The following COQ8A variants were observed in gnomAD, a reference collection of about 807,000 sequenced individuals.
COQ8A encodes atypical kinase COQ8A, mitochondrial.
Under a neutral mutation model 65.0 loss-of-function variants are expected in COQ8A, and 51 were observed. The observed-to-expected ratio is 0.78, with a 90% CI of 0.63 to 0.99. The LOEUF (loss-of-function observed/expected upper bound fraction) is 0.99. COQ8A is among the 50% of genes least tolerant of loss of function. The pLI is 0.00. For missense variants in COQ8A, 940 were observed against 875.0 expected, an observed-to-expected ratio of 1.07 and a Z score of -0.94; for synonymous variants, 371 against 353.2, an observed-to-expected ratio of 1.05 and a Z score of -0.57.
chr1:226,956,753 G>C (rs1252506067), intron 1 of COQ8A, among the ~76,000 whole-genome samples: 23 of 66,652 alleles, frequency 3.5e-4, no homozygotes, highest in Admixed American at 8.7e-4. Flanking sequence ...CTCCCTGGCT[G>C]CCACTCCCTG....
At chr1:226,985,594 G>A (rs1300275420) in intron 14 of COQ8A, among the ~76,000 whole-genome samples, 2 of 152,192 alleles carry the variant, frequency 1.3e-5, no homozygotes, top group African/African-American at 4.8e-5. Flanking sequence ...TGCCCACTTA[G>A]GGCTTGGGGT....
chr1:226,986,522 G>A lies in COQ8A; in HGVS notation c.1729G>A (p.Asp577Asn). 2 of 1,608,298 alleles carry A rather than the reference G, an allele frequency of 1.2e-6. No individual in the cohort carries two copies. Among genetic ancestry groups the A allele is most frequent in the Non-Finnish European group, 1.7e-6 (2 of 1,178,052 alleles). The change falls in exon 15 of 15, where the codon GAT becomes AAT. Residue 577 changes from aspartate to asparagine, a missense_variant. Coordinates refer to ENST00000366777, the MANE Select transcript of COQ8A (RefSeq NM_020247.5). The stretch of plus-strand genomic sequence containing the variant: ...GGCCTTCGCCTCTGATGAGCCTTTT[G>A]ATTTTGGCACTCAGAGCACCACCGA... ...GEAFASDEPF[D>N]FGTQSTTEKI... is the part of the protein sequence containing the mutation.
chr1:226,977,699 G>A (rs1301186856), intron 5 of COQ8A, among the ~76,000 whole-genome samples, 176 bp downstream of exon 5: 1 of 152,112 alleles, frequency 6.6e-6, no homozygotes, highest in African/African-American at 2.4e-5. Context: ...AGATTGACCT[G>A]CTTTAGAGGG....
In COQ8A at chr1:226,982,705, C is replaced by G; in HGVS notation, c.881C>G (p.Ala294Gly). The change falls in exon 7 of 15, where the codon GCT (alanine) becomes GGT (glycine). Residue 294 changes from alanine (A) to glycine (G), a missense_variant. Physicochemically the swap from Ala to Gly is moderately conservative, Grantham distance 60. Transcript: ENST00000366777. The stretch of plus-strand genomic sequence containing the variant: ...GATGCCTTTATCAACCCCCACCTGG[C>G]TAAGATCTTCGAGCGGGTGCGGCAG... Reference protein sequence around the residue: ...QDDAFINPHLAKIFERVRQSA... With the variant: ...QDDAFINPHLGKIFERVRQSA... 6.2e-7 allele frequency: 1 copy of G among 1,613,686 alleles called. No individual in the cohort carries two copies. Among genetic ancestry groups the G allele is most frequent in the African/African-American group, 1.3e-5 (1 of 75,056 alleles).
intron 5 of COQ8A, among the ~76,000 whole-genome samples, chr1:226,977,793 T>C (rs1659333073): frequency 6.6e-6 from 1 of 151,670 alleles, no homozygotes; most frequent in African/African-American, 2.4e-5. Flanking sequence ...TCCACACGCC[T>C]TCTGCACACC....
At chr1:226,986,151 C>CT (rs1324452092) in intron 14 of COQ8A, among the ~76,000 whole-genome samples, 5 of 152,160 alleles carry the variant, frequency 3.3e-5, no homozygotes, top group African/African-American at 9.7e-5. Flanking sequence ...CCCACGGACT[C>CT]TGTTCTTTTT....
intron 4 of COQ8A, among the ~76,000 whole-genome samples, chr1:226,967,949 C>T (rs950644287): frequency 6.6e-6 from 1 of 152,208 alleles, no homozygotes; most frequent in Admixed American, 6.5e-5. Flanking sequence ...CGTTCTGGCC[C>T]TAGTGGGGAA....
chr1:226,981,348 GC>G (rs1659675128), intron 5 of COQ8A, among the ~76,000 whole-genome samples: 2 of 152,204 alleles, frequency 1.3e-5, no homozygotes, highest in Non-Finnish European at 2.9e-5. Context: ...CTGAGTCGCG[GC>G]CCTCAGCCCT....
chr1:226,973,827 C>T (rs1251029287), intron 4 of COQ8A, among the ~76,000 whole-genome samples: 1 of 152,234 alleles, frequency 6.6e-6, no homozygotes, highest in Non-Finnish European at 1.5e-5. Context: ...TTGGATGCCT[C>T]AGTAAAAGCT....
At chr1:226,948,847 A>C (rs955269417) in intron 1 of COQ8A, among the ~76,000 whole-genome samples, 9 of 152,250 alleles carry the variant, frequency 5.9e-5, no homozygotes, top group African/African-American at 2.2e-4. Context: ...GAGAACGTAA[A>C]TATGGAAGAG....
intron 1 of COQ8A, among the ~76,000 whole-genome samples, chr1:226,957,207 TACTCTCCCTGGTTCAC>T (rs1331433722): frequency 9.3e-6 from 1 of 107,386 alleles, no homozygotes; most frequent in East Asian, 3.0e-4. Context: ...CCCTGGCTCC[TACTCTCCCTGGTTCAC>T]ACTCTCCCTA....
chr1:226,977,073 G>A (rs1247875834), intron 4 of COQ8A, among the ~76,000 whole-genome samples: 1 of 152,142 alleles, frequency 6.6e-6, no homozygotes, highest in African/African-American at 2.4e-5. Context: ...GCCCTGTGTG[G>A]TCGGGGTGAC....
At position 226,965,409 on chromosome 1, in the gene COQ8A, C is replaced by A; in HGVS notation, c.587C>A (p.Thr196Lys). 6.2e-7 allele frequency: 1 copy of A among 1,608,102 alleles called. No homozygotes were observed. The highest frequency in any genetic ancestry group is 8.5e-7 in the Non-Finnish European group (1 of 1,178,446). ...ARPENKQHKQTLSEHARERKV... is the reference protein window; with the variant it reads ...ARPENKQHKQKLSEHARERKV... ...CCCGAGAACAAGCAGCACAAACAGA[C>A]GGTGCGTATGGGAGGCCCCTGGAGG... Residue 196 changes from threonine to lysine, a missense_variant and splice_region_variant, in exon 3 of 15, where the codon ACG (threonine) becomes AAG (lysine). Physicochemically the swap from Thr to Lys is moderately conservative, Grantham distance 78. Coordinates refer to ENST00000366777, the MANE Select transcript of COQ8A (RefSeq NM_020247.5).
rs189824947 is a variant in COQ8A, at chr1:226,982,612, C to G, written c.854-66C>G. 107 of 1,536,546 alleles carry G rather than the reference C, an allele frequency of 7.0e-5. No individual in the cohort carries two copies. In the East Asian group the frequency reaches 2.1e-3, roughly 30 times the overall value. On this transcript the variant is annotated intron_variant, in intron 6 of 14. Transcript: ENST00000366777. ...TGGCCAGGGCATCCCAGGAGTGTGC[C>G]CGCCCAGGTCCTGGGCGCACACTTT... is the stretch of plus-strand genomic sequence containing the variant.
Position 226,965,178 on chromosome 1 carries a change from A to T in COQ8A, c.356A>T (p.Tyr119Phe), listed in dbSNP as rs543523156. 2 of 1,613,698 alleles carry T rather than the reference A, an allele frequency of 1.2e-6. No individual in the cohort carries two copies. Among genetic ancestry groups the T allele is most frequent in the African/African-American group, 1.3e-5 (1 of 75,044 alleles). ...HAHSEGPAPA[Y>F]VASGPFREAG... ...CACAGCGAGGGCCCAGCTCCTGCCT[A>T]CGTGGCCAGTGGACCCTTTAGAGAA... The change falls in exon 3 of 15, where the codon TAC becomes TTC. Residue 119 changes from tyrosine (Y) to phenylalanine (F), a missense_variant. By Grantham distance (22) the Tyr-to-Phe change is conservative. Coordinates refer to ENST00000366777, the MANE Select transcript of COQ8A (RefSeq NM_020247.5).
chr1:226,944,726 AGAGAGAGAGAGAGAGAGAGAGAGT>A (rs1410324921), intron 1 of COQ8A, among the ~76,000 whole-genome samples: 1,528 of 31,846 alleles, frequency 0.048, 6 homozygotes, highest in East Asian at 0.079. Flanking sequence ...AGAGAGAGAG[AGAGAGAGAGAGAGAGAGAGAGAGT>A]GAGAGAGAGA....
At chr1:226,970,463 T>C (rs764361437) in intron 4 of COQ8A, among the ~76,000 whole-genome samples, 2 of 152,178 alleles carry the variant, frequency 1.3e-5, no homozygotes, top group Non-Finnish European at 2.9e-5. Context: ...AATACAACGG[T>C]ATTTGTGTAC....
intron 1 of COQ8A, among the ~76,000 whole-genome samples, chr1:226,956,300 A>C (rs1384374090): frequency 1.5e-4 from 9 of 61,614 alleles, no homozygotes; most frequent in East Asian, 5.9e-4. Context: ...TCCCTGGTTC[A>C]CACTCTCCCT....
rs375821684 is a variant in COQ8A at position 226,983,603 on chromosome 1, G to C, written c.1132G>C (p.Val378Leu). 1 of 1,614,004 alleles carries C rather than the reference G, an allele frequency of 6.2e-7. No individual in the cohort carries two copies. Among genetic ancestry groups the C allele is most frequent in the South Asian group, 1.1e-5 (1 of 91,088 alleles). Residue 378 changes from valine (V) to leucine (L), a missense_variant, in exon 9 of 15, where the codon GTG becomes CTG. Val to Leu is a conservative substitution (Grantham distance 32, BLOSUM62 1). Coordinates refer to ENST00000366777, the MANE Select transcript of COQ8A (RefSeq NM_020247.5). ...CAGTGATGTCAACAACCTCATGGCC[G>C]TGTTGAACATGAGCAACATGCTTCC... Reference protein sequence around the residue: ...INSDVNNLMAVLNMSNMLPEG... With the variant: ...INSDVNNLMALLNMSNMLPEG...
Sources: allele counts gnomAD v4.1 joint callset (sites outside exome capture counted in the v4.1 genomes callset), GRCh38; gene constraint gnomAD v4.1.1; transcripts MANE v1.5; gene names NCBI Gene and HGNC (gene_info 2026-07-23, HGNC 2026-07-21).